CCDC150: variants seen among roughly 807,000 people sequenced by gnomAD.
The protein encoded by CCDC150 is coiled-coil domain-containing protein 150.
A neutral mutation model predicts 156.5 loss-of-function variants in CCDC150; 151 were observed. The observed-to-expected ratio is 0.97, with a 90% CI of 0.85 to 1.10. The LOEUF (loss-of-function observed/expected upper bound fraction) is 1.10. Among genes scored for constraint, CCDC150 ranks in the 50% least tolerant of loss-of-function variants. The pLI, the probability that CCDC150 is intolerant of heterozygous loss-of-function variation, is 0.00. For synonymous variants in CCDC150, 452 were observed against 429.4 expected (o/e 1.05, Z -0.65); for missense variants, 1,312 against 1,268.1 (o/e 1.03, Z -0.53).
At chr2:196,698,694 T>C (rs904389415) in intron 14 of CCDC150, among the ~76,000 whole-genome samples, 3 of 152,248 alleles carry the variant, frequency 2.0e-5, no homozygotes, top group Non-Finnish European at 2.9e-5. Context: ...AAATAAGCTT[T>C]TTTTTAAAAT....
intron 15 of CCDC150, 97 bp downstream of exon 15, chr2:196,701,277 AT>A (rs1696187568): frequency 2.4e-6 from 2 of 836,998 alleles, no homozygotes; most frequent in Admixed American, 4.9e-5. Flanking sequence ...TAGCTCTGTC[AT>A]TTACTAAGTC....
intron 1 of CCDC150, among the ~76,000 whole-genome samples, chr2:196,645,348 T>G (rs560225567): frequency 1.3e-5 from 2 of 152,232 alleles, no homozygotes; most frequent in South Asian, 4.2e-4. Flanking sequence ...TGGACCCCCC[T>G]TTCACTTCCA....
At chr2:196,710,182 C>A (rs1697000274) in intron 15 of CCDC150, among the ~76,000 whole-genome samples, 1 of 152,236 alleles carries the variant, frequency 6.6e-6, no homozygotes, top group Non-Finnish European at 1.5e-5. Context: ...TCGAGCTTCC[C>A]TGACTGCTTT....
intron 14 of CCDC150, 27 bp downstream of exon 14, chr2:196,695,186 A>G (rs757869026): frequency 5.3e-5 from 66 of 1,238,298 alleles, no homozygotes; most frequent in Non-Finnish European, 7.4e-5. Context: ...CAGTCTAAAT[A>G]GCAATTAATG....
At chr2:196,654,974 G>A (rs547300075) in intron 2 of CCDC150, among the ~76,000 whole-genome samples, 6 of 152,164 alleles carry the variant, frequency 3.9e-5, no homozygotes, top group Non-Finnish European at 7.4e-5. Context: ...GTTAAGATGT[G>A]CCAAGTCTTG....
intron 2 of CCDC150, among the ~76,000 whole-genome samples, chr2:196,648,793 AT>A (rs1692695668): frequency 6.6e-6 from 1 of 152,064 alleles, no homozygotes; most frequent in South Asian, 2.1e-4. Context: ...TCTGTCTTTA[AT>A]CCATTCTGAG....
At chr2:196,672,193 T>G (rs1188214704) in intron 8 of CCDC150, among the ~76,000 whole-genome samples, 152 bp from the exon 9 acceptor site, 1 of 152,196 alleles carries the variant, frequency 6.6e-6, no homozygotes, top group Non-Finnish European at 1.5e-5. Flanking sequence ...ATACCAAGAT[T>G]TTTATACATT....
intron 13 of CCDC150, among the ~76,000 whole-genome samples, chr2:196,690,133 C>G (rs936598668): frequency 1.3e-5 from 2 of 151,536 alleles, no homozygotes; most frequent in Non-Finnish European, 2.9e-5. Flanking sequence ...GAACAAAAAA[C>G]CAAACACCGC....
chr2:196,663,013 G>A (rs1307003347), intron 5 of CCDC150, among the ~76,000 whole-genome samples: 3 of 152,132 alleles, frequency 2.0e-5, no homozygotes, highest in Non-Finnish European at 4.4e-5. Context: ...TGAGGCAGGA[G>A]GATTGCCTGA....
chr2:196,672,066 T>G (rs528894442), intron 8 of CCDC150, among the ~76,000 whole-genome samples: 3 of 152,172 alleles, frequency 2.0e-5, no homozygotes, highest in Non-Finnish European at 4.4e-5. Context: ...CCAGTTGGTG[T>G]TGTCAGTGTT....
chr2:196,732,726 A>C lies in CCDC150; in HGVS notation c.*164A>C, dbSNP rs192714463. The C allele has an allele frequency of 2.3e-5, 11 of 476,392 alleles. No homozygotes were observed. In the Admixed American group the frequency reaches 2.9e-4, roughly 13 times the overall value. 29.5% of individuals were successfully genotyped at this position (476,392 alleles called of 1,614,324 possible). On this transcript the variant is annotated 3_prime_UTR_variant, in exon 28 of 28. Coordinates refer to ENST00000389175, the MANE Select transcript of CCDC150 (RefSeq NM_001080539.2). ...TCACTTTATGAACTCTTATATCAGT[A>C]CAAAACTACCCCTTTTTTTGTCCCT...
chr2:196,694,188 C>T (rs1406421697), intron 13 of CCDC150, among the ~76,000 whole-genome samples: 1 of 151,658 alleles, frequency 6.6e-6, no homozygotes, highest in Non-Finnish European at 1.5e-5. Flanking sequence ...TCCCAAGTAG[C>T]TGGGATTATA....
At chr2:196,724,583 G>A (rs1265630729) in intron 21 of CCDC150, among the ~76,000 whole-genome samples, 1 of 151,966 alleles carries the variant, frequency 6.6e-6, no homozygotes, top group Non-Finnish European at 1.5e-5. Flanking sequence ...TGAAGATAAG[G>A]AAACAAGCAG....
At chr2:196,678,763 A>G (rs1656621112) in intron 13 of CCDC150, among the ~76,000 whole-genome samples, 1 of 151,948 alleles carries the variant, frequency 6.6e-6, no homozygotes, top group Admixed American at 6.6e-5. Flanking sequence ...AAAATTAACC[A>G]GGTGCGGTGG....
chr2:196,712,253 G>A lies in CCDC150; in HGVS notation c.1803+1G>A. ...GTATTTACAGACTAAATATGCTCAG[G>A]TGTGATTAATATCTACAAAAGCGGA... On this transcript the variant is annotated splice_donor_variant, in intron 16 of 27. Transcript: ENST00000389175. LOFTEE classifies it high-confidence loss of function. The A allele has an allele frequency of 3.4e-6, 5 of 1,461,030 alleles. No individual in the cohort carries two copies. The highest frequency in any genetic ancestry group is 4.6e-6 in the Non-Finnish European group (5 of 1,078,618). 90.5% of individuals were successfully genotyped at this position (1,461,030 alleles called of 1,614,324 possible).
chr2:196,696,149 G>C (rs10931752), intron 14 of CCDC150, among the ~76,000 whole-genome samples: 119,349 of 152,180 alleles, frequency 0.78, 47,026 homozygotes, highest in East Asian at 0.97. Context: ...TCCTTAACTT[G>C]TCTGAGCCTC....
chr2:196,675,323 T>C (rs1694426624), intron 10 of CCDC150, among the ~76,000 whole-genome samples: 1 of 152,160 alleles, frequency 6.6e-6, no homozygotes. Flanking sequence ...AAATTCCTAC[T>C]TTCATGGACT....
chr2:196,719,921 T>C (rs1304170235), intron 19 of CCDC150: 14 of 344,398 alleles, frequency 4.1e-5, no homozygotes, highest in Middle Eastern at 1.8e-3. Context: ...ATTCACTAGC[T>C]GTACTGTTGT....
chr2:196,701,629 C>G (rs1481492978), intron 15 of CCDC150, among the ~76,000 whole-genome samples: 1 of 152,202 alleles, frequency 6.6e-6, no homozygotes, highest in African/African-American at 2.4e-5. Flanking sequence ...ATAGGTAAGC[C>G]TGACTTAAAC....
Sources: allele counts gnomAD v4.1 joint callset (sites outside exome capture counted in the v4.1 genomes callset), GRCh38; gene constraint gnomAD v4.1.1; transcripts MANE v1.5; gene names NCBI Gene and HGNC (gene_info 2026-07-23, HGNC 2026-07-21).